LRRC7: variants seen among roughly 807,000 people sequenced by gnomAD.
LRRC7 encodes the protein leucine-rich repeat-containing protein 7.
A neutral mutation model predicts 175.7 loss-of-function variants in LRRC7; 23 were observed. That is an observed-to-expected ratio of 0.13 (90% confidence interval 0.09 to 0.19). LRRC7 has a LOEUF of 0.19. Ranked by LOEUF, LRRC7 falls within the 10% of genes least tolerant of loss-of-function variation. The pLI is 1.00. For missense variants in LRRC7, 1,354 were observed against 1,904.7 expected, an observed-to-expected ratio of 0.71 and a Z score of 5.38; for synonymous variants, 685 against 680.9, an observed-to-expected ratio of 1.01 and a Z score of -0.09.
At chr1:70,013,157 T>A in intron 13 of LRRC7, 68 bp downstream of exon 13, 1 of 912,736 alleles carries the variant, frequency 1.1e-6, no homozygotes, top group Non-Finnish European at 1.7e-6. Flanking sequence ...TTTTTTTGCC[T>A]ATAGTTTTGA....
intron 3 of LRRC7, among the ~76,000 whole-genome samples, chr1:69,769,091 A>T (rs1037686133): frequency 6.6e-6 from 1 of 152,222 alleles, no homozygotes; most frequent in East Asian, 1.9e-4. Context: ...CAGCATAGTA[A>T]CTATAGTTAC....
intron 4 of LRRC7, among the ~76,000 whole-genome samples, chr1:69,812,673 T>C (rs910509230): frequency 6.6e-6 from 1 of 152,144 alleles, no homozygotes; most frequent in African/African-American, 2.4e-5. Context: ...TATTAGCATA[T>C]AACATTTATA....
At chr1:69,664,074 C>CTTA (rs1372576821) in intron 1 of LRRC7, among the ~76,000 whole-genome samples, 1 of 152,148 alleles carries the variant, frequency 6.6e-6, no homozygotes, top group Non-Finnish European at 1.5e-5. Flanking sequence ...CTGTGCCTGA[C>CTTA]TTATTTCACT....
intron 4 of LRRC7, among the ~76,000 whole-genome samples, chr1:69,802,333 T>C (rs1676611123): frequency 6.6e-6 from 1 of 151,584 alleles, no homozygotes; most frequent in Admixed American, 6.6e-5. Context: ...TCCCCCACTA[T>C]TATTGTATTG....
intron 2 of LRRC7, among the ~76,000 whole-genome samples, chr1:69,735,460 G>T (rs1668008821): frequency 6.6e-6 from 1 of 151,958 alleles, no homozygotes; most frequent in African/African-American, 2.4e-5. Context: ...CTAGATTGTT[G>T]GTGCTTGTGC....
chr1:69,899,298 T>C (rs1646068004), intron 7 of LRRC7, among the ~76,000 whole-genome samples: 1 of 152,208 alleles, frequency 6.6e-6, no homozygotes, highest in Admixed American at 6.5e-5. Flanking sequence ...GGAAATACCA[T>C]AGCATAGGTG....
intron 5 of LRRC7, 114 bp from the exon 6 acceptor site, chr1:69,834,666 G>C (rs977061242): frequency 8.3e-6 from 7 of 843,888 alleles, no homozygotes; most frequent in Non-Finnish European, 1.2e-5. Context: ...AATACCAAAG[G>C]AGAGTTGAAA....
intron 2 of LRRC7, among the ~76,000 whole-genome samples, chr1:69,690,739 G>A (rs1014942901): frequency 2.6e-5 from 4 of 152,150 alleles, no homozygotes; most frequent in African/African-American, 9.7e-5. Flanking sequence ...TGACCACAGA[G>A]CAGAGCACCA....
chr1:69,593,748 G>C (rs1646729267), intron 1 of LRRC7, among the ~76,000 whole-genome samples: 1 of 152,052 alleles, frequency 6.6e-6, no homozygotes, highest in Non-Finnish European at 1.5e-5. Flanking sequence ...TTCATCTTTT[G>C]TCATTTAAAC....
intron 1 of LRRC7, among the ~76,000 whole-genome samples, chr1:69,622,134 T>C (rs1259803790): frequency 6.6e-6 from 1 of 152,192 alleles, no homozygotes; most frequent in Admixed American, 6.5e-5. Context: ...CAGCTTTTAA[T>C]TCTGTGTGAC....
intron 17 of LRRC7, among the ~76,000 whole-genome samples, chr1:70,025,668 A>T (rs1012566857): frequency 2.0e-5 from 3 of 152,132 alleles, no homozygotes; most frequent in Non-Finnish European, 2.9e-5. Context: ...CAGAAAGATT[A>T]GTGGATGATA....
intron 7 of LRRC7, chr1:69,919,287 C>T: frequency 3.8e-6 from 2 of 522,532 alleles, no homozygotes; most frequent in South Asian, 2.5e-5. Context: ...TTGCTAGATA[C>T]ATTAGCAAAT....
chr1:70,093,744 G>C (rs959683658), intron 25 of LRRC7, among the ~76,000 whole-genome samples: 1 of 152,114 alleles, frequency 6.6e-6, no homozygotes, highest in African/African-American at 2.4e-5. Context: ...ATAACTTGTG[G>C]ACTAAGGTAT....
chr1:69,893,985 A>C (rs1300669388), intron 7 of LRRC7, among the ~76,000 whole-genome samples: 1 of 152,228 alleles, frequency 6.6e-6, no homozygotes, highest in East Asian at 1.9e-4. Context: ...ATGTCAAGAC[A>C]TGAGGTTTGA....
intron 4 of LRRC7, among the ~76,000 whole-genome samples, chr1:69,801,455 T>C (rs1166293424): frequency 1.3e-5 from 2 of 151,790 alleles, no homozygotes; most frequent in Non-Finnish European, 3.0e-5. Flanking sequence ...AGGTTGTATG[T>C]TTCTAGGAAT....
At chr1:69,916,075 TAA>T (rs1300289911) in intron 7 of LRRC7, among the ~76,000 whole-genome samples, 6 of 110,690 alleles carry the variant, frequency 5.4e-5, no homozygotes, top group African/African-American at 3.5e-5. Flanking sequence ...TTTATATATA[TAA>T]TATATATATT....
At chr1:69,849,208 T>G (rs1682707457) in intron 7 of LRRC7, among the ~76,000 whole-genome samples, 1 of 152,032 alleles carries the variant, frequency 6.6e-6, no homozygotes, top group Non-Finnish European at 1.5e-5. Flanking sequence ...GCATTAGCTG[T>G]TTACATTTAT....
At chr1:69,886,396 T>A (rs1268931544) in intron 7 of LRRC7, among the ~76,000 whole-genome samples, 2 of 151,266 alleles carry the variant, frequency 1.3e-5, no homozygotes, top group Non-Finnish European at 3.0e-5. Context: ...TCTTTTGATC[T>A]TTGTTGGTTT....
chr1:70,077,968 G>C (rs546612915), intron 24 of LRRC7, among the ~76,000 whole-genome samples: 1 of 152,114 alleles, frequency 6.6e-6, no homozygotes, highest in Non-Finnish European at 1.5e-5. Context: ...TGTTAAGGAA[G>C]GGACTTAAAT....
Sources: allele counts gnomAD v4.1 joint callset (sites outside exome capture counted in the v4.1 genomes callset), GRCh38; gene constraint gnomAD v4.1.1; transcripts MANE v1.5; gene names NCBI Gene and HGNC (gene_info 2026-07-23, HGNC 2026-07-21).